The following FRMD4A variants were observed in gnomAD, a reference collection of about 807,000 sequenced individuals.
FRMD4A encodes FERM domain-containing protein 4A.
Under a neutral mutation model 129.1 loss-of-function variants are expected in FRMD4A, and 29 were observed. The ratio of observed to expected loss-of-function variants is 0.22; its 90% CI spans 0.17 to 0.31. FRMD4A has a LOEUF of 0.31. Among genes scored for constraint, FRMD4A ranks in the 10% least tolerant of loss-of-function variants. The pLI, the probability that FRMD4A is intolerant of heterozygous loss-of-function variation, is 1.00. For missense variants in FRMD4A, 1,272 were observed against 1,375.8 expected (o/e 0.92, Z 1.19); for synonymous variants, 634 against 571.6 (o/e 1.11, Z -1.56).
chr10:13,768,410 G>A (rs1327596581), intron 6 of FRMD4A, among the ~76,000 whole-genome samples: 1 of 152,146 alleles, frequency 6.6e-6, no homozygotes, highest in African/African-American at 2.4e-5. Context: ...TTAATGACAA[G>A]CAGCCCACCA....
At chr10:14,060,789 T>A (rs1253549005) in intron 2 of FRMD4A, among the ~76,000 whole-genome samples, 2 of 152,136 alleles carry the variant, frequency 1.3e-5, no homozygotes, top group African/African-American at 4.8e-5. Flanking sequence ...GCTGGCCACT[T>A]ATATAGAGAG....
chr10:13,830,642 C>T (rs1207841660), intron 3 of FRMD4A, among the ~76,000 whole-genome samples: 2 of 152,186 alleles, frequency 1.3e-5, no homozygotes, highest in East Asian at 3.8e-4. Flanking sequence ...CCATTGAAGG[C>T]TTTATGGGAG....
At chr10:13,737,960 A>G in intron 11 of FRMD4A, 30 bp from the exon 12 acceptor site, 1 of 1,222,004 alleles carries the variant, frequency 8.2e-7, no homozygotes, top group Non-Finnish European at 1.2e-6. Context: ...TTGGGTGAAT[A>G]TGGGACTGGA....
At chr10:14,201,863 G>A (rs1409215855) in intron 2 of FRMD4A, among the ~76,000 whole-genome samples, 1 of 152,124 alleles carries the variant, frequency 6.6e-6, no homozygotes, top group Non-Finnish European at 1.5e-5. Flanking sequence ...GGGTGCGGTG[G>A]CTCATGCCTG....
intron 2 of FRMD4A, among the ~76,000 whole-genome samples, chr10:14,040,924 A>G (rs1181575559): frequency 1.3e-5 from 2 of 152,190 alleles, no homozygotes; most frequent in Admixed American, 6.5e-5. Flanking sequence ...CAAAACGTCT[A>G]TTACCCACAA....
At chr10:13,834,136 T>A (rs2093835333) in intron 3 of FRMD4A, among the ~76,000 whole-genome samples, 1 of 151,862 alleles carries the variant, frequency 6.6e-6, no homozygotes, top group South Asian at 2.1e-4. Context: ...CGGTGGTGGG[T>A]GACTGTAATT....
At chr10:14,115,707 C>T (rs1376709066) in intron 2 of FRMD4A, among the ~76,000 whole-genome samples, 1 of 152,196 alleles carries the variant, frequency 6.6e-6, no homozygotes, top group African/African-American at 2.4e-5. Flanking sequence ...TCCCTCCCCG[C>T]TCTCTCTTGC....
chr10:13,743,495 G>C (rs1430617042), intron 9 of FRMD4A, among the ~76,000 whole-genome samples: 2 of 152,102 alleles, frequency 1.3e-5, no homozygotes, highest in Non-Finnish European at 2.9e-5. Context: ...GAGTTCAGGA[G>C]GTGCAAGTCA....
chr10:14,329,742 G>C (rs955906939), intron 2 of FRMD4A, among the ~76,000 whole-genome samples: 2 of 152,160 alleles, frequency 1.3e-5, no homozygotes, highest in Admixed American at 6.5e-5. Flanking sequence ...AAGACAAGGG[G>C]GAAAGGATGC....
chr10:13,761,053 T>A (rs1022722057), intron 8 of FRMD4A, among the ~76,000 whole-genome samples: 1 of 152,224 alleles, frequency 6.6e-6, no homozygotes, highest in African/African-American at 2.4e-5. Context: ...CATATGGTGA[T>A]GAATGAAATA....
intron 2 of FRMD4A, among the ~76,000 whole-genome samples, chr10:13,923,378 G>A (rs938813715): frequency 2.0e-5 from 3 of 152,122 alleles, no homozygotes; most frequent in African/African-American, 4.8e-5. Context: ...TCCTGAGTGC[G>A]ACATTTTCTC....
intron 2 of FRMD4A, among the ~76,000 whole-genome samples, chr10:14,062,321 A>C (rs1342681594): frequency 6.6e-6 from 1 of 152,234 alleles, no homozygotes; most frequent in Admixed American, 6.5e-5. Context: ...TTTATGTAAA[A>C]TTTTGTGTAT....
chr10:13,725,492 T>C lies in FRMD4A; in HGVS notation c.759+12352A>G, dbSNP rs554972818. Among the ~76,000 whole-genome samples the C allele has an allele frequency of 2.0e-5, 3 of 152,288 alleles. No individual in the cohort carries two copies. The South Asian group carries it at 6.2e-4, about 32-fold the overall frequency. On this transcript the variant is annotated intron_variant, in intron 12 of 24. Transcript: ENST00000357447. The stretch of plus-strand genomic sequence containing the variant: ...TGACTTTCCAGATTAATTACTCTCA[T>C]GCAATAGTTGCTCTCTAAGAATTAT...
intron 2 of FRMD4A, among the ~76,000 whole-genome samples, chr10:14,210,967 T>C (rs1842919099): frequency 1.3e-5 from 2 of 152,156 alleles, no homozygotes; most frequent in Admixed American, 6.5e-5. Context: ...GACCTTCTGA[T>C]CTGCCTGCCT....
intron 20 of FRMD4A, among the ~76,000 whole-genome samples, chr10:13,659,830 G>A (rs2082488712): frequency 6.7e-6 from 1 of 148,576 alleles, no homozygotes. Flanking sequence ...AAGGAAATGG[G>A]AAAAACAGAG....
intron 2 of FRMD4A, among the ~76,000 whole-genome samples, chr10:14,020,717 A>C (rs1030592050): frequency 6.6e-6 from 1 of 152,188 alleles, no homozygotes; most frequent in Admixed American, 6.5e-5. Flanking sequence ...CAGCAGGAGC[A>C]CAGGGCTCCT....
intron 2 of FRMD4A, among the ~76,000 whole-genome samples, chr10:14,063,950 G>A (rs1042349621): frequency 6.6e-6 from 1 of 152,154 alleles, no homozygotes; most frequent in African/African-American, 2.4e-5. Context: ...TGAGACTTCT[G>A]AGCCCTACTG....
At chr10:14,076,187 T>G (rs981099525) in intron 2 of FRMD4A, among the ~76,000 whole-genome samples, 1 of 152,222 alleles carries the variant, frequency 6.6e-6, no homozygotes, top group African/African-American at 2.4e-5. Flanking sequence ...CATGAAGACC[T>G]GTGCATGGAT....
intron 2 of FRMD4A, among the ~76,000 whole-genome samples, chr10:14,060,690 A>T (rs979241750): frequency 3.3e-5 from 5 of 152,188 alleles, no homozygotes; most frequent in African/African-American, 1.2e-4. Flanking sequence ...TCATTTCCAT[A>T]TATGGGAATT....
Sources: gnomAD v4.1 joint callset for allele counts (sites outside exome capture counted in the v4.1 genomes callset) on GRCh38, gnomAD v4.1.1 for gene constraint, MANE v1.5 for transcripts, NCBI Gene and HGNC (gene_info 2026-07-23, HGNC 2026-07-21) for gene names.